The following HRK variants were observed in gnomAD, a reference collection of about 807,000 sequenced individuals.
HRK encodes harakiri, BCL2 interacting protein, also known as activator of apoptosis harakiri.
A neutral mutation model predicts 5.9 loss-of-function variants in HRK; 6 were observed. The observed-to-expected ratio is 1.02, with a 90% CI of 0.56 to 2.01. The LOEUF (loss-of-function observed/expected upper bound fraction) is 2.01, where lower values mean the gene tolerates loss of function less well. HRK is among the 30% of genes most tolerant of loss of function. The probability of loss-of-function intolerance (pLI) is 0.00; values close to 1 mark genes in which losing one functional copy is unlikely to be tolerated. For missense variants in HRK, 133 were observed against 128.3 expected (o/e 1.04, Z -0.18); for synonymous variants, 85 against 65.1 (o/e 1.31, Z -1.47).
intron 1 of HRK, among the ~76,000 whole-genome samples, chr12:116,865,807 G>A (rs762976585): frequency 3.3e-5 from 5 of 152,068 alleles, no homozygotes; most frequent in Admixed American, 6.6e-5. Flanking sequence ...AACGCCCAGC[G>A]TATACTAGGC....
intron 1 of HRK, among the ~76,000 whole-genome samples, chr12:116,877,138 C>T (rs1022673424): frequency 2.0e-5 from 3 of 152,086 alleles, no homozygotes; most frequent in Non-Finnish European, 4.4e-5. Flanking sequence ...GCAACCTCTG[C>T]CTCTGGGACT....
intron 1 of HRK, among the ~76,000 whole-genome samples, chr12:116,875,790 C>T (rs569397443): frequency 1.3e-5 from 2 of 152,176 alleles, no homozygotes; most frequent in Admixed American, 1.3e-4. Context: ...GTGATCCACC[C>T]GCCTCAGCCT....
chr12:116,879,813 C>T lies in HRK; in HGVS notation c.*56+1163G>A, dbSNP rs958008093. On this transcript the variant is annotated intron_variant, in intron 1 of 1. Transcript: ENST00000257572. This position sits in a 1 kb window ranked among gnomAD's most constrained non-coding sequence, Gnocchi z 5.6. Reference sequence around the variant, plus strand: ...GCCTCGCCTTCAGGCGCCGCTCCAACTTCCCAGGGTGTCTGCGGCGCGCGG... The same window carrying T: ...GCCTCGCCTTCAGGCGCCGCTCCAATTTCCCAGGGTGTCTGCGGCGCGCGG... 6.6e-6 allele frequency among the ~76,000 whole-genome samples: 1 copy of T among 152,210 alleles called. No individual in the cohort carries two copies. Among genetic ancestry groups the T allele is most frequent in the African/African-American group, 2.4e-5 (1 of 41,466 alleles).
intron 1 of HRK, among the ~76,000 whole-genome samples, chr12:116,866,720 C>T (rs971584552): frequency 3.3e-5 from 5 of 152,140 alleles, no homozygotes; most frequent in Non-Finnish European, 7.3e-5. Context: ...GACCTGAGCT[C>T]CTACCCACTA....
At chr12:116,867,141 A>C (rs1007125622) in intron 1 of HRK, among the ~76,000 whole-genome samples, 8 of 150,018 alleles carry the variant, frequency 5.3e-5, no homozygotes, top group African/African-American at 9.8e-5. Flanking sequence ...ACAAAAAAAA[A>C]CTTTTTTTTT....
rs1879040036 is a variant in HRK, at chr12:116,879,047, G to C, written c.*56+1929C>G. The C allele has an allele frequency of 6.6e-6, 1 of 151,286 alleles. No homozygotes were observed. The highest frequency in any genetic ancestry group is 2.4e-5 in the African/African-American group (1 of 41,202). The allele number at this position is 151,286 out of a possible 1,614,324, so 9.4% of individuals were successfully genotyped here. Reference sequence around the variant, plus strand: ...CCCGCAGCCTCCCCTTCCAGGCCCCGGGAGCATTCCCACCCCGACACTCAC... The same window carrying C: ...CCCGCAGCCTCCCCTTCCAGGCCCCCGGAGCATTCCCACCCCGACACTCAC... On this transcript the variant is annotated intron_variant, in intron 1 of 1. Transcript: ENST00000257572. This position sits in a 1 kb window ranked among gnomAD's most constrained non-coding sequence, Gnocchi z 5.6.
chr12:116,881,057 C>T lies in HRK; in HGVS notation c.251G>A (p.Trp84Ter). 7.4e-7 allele frequency: 1 copy of T among 1,358,412 alleles called. No individual in the cohort carries two copies. Among genetic ancestry groups the T allele is most frequent in the South Asian group, 1.8e-5 (1 of 55,484 alleles). The allele number at this position is 1,358,412 out of a possible 1,614,324, so 84.1% of individuals were successfully genotyped here. ...CTACAAGTTCCGCCTGCCGAGCAGC[C>T]AGGCCGCCAGCGCCGCCACCTGCGC... ...AAAQVAALAAWLLGRRNL is the reference protein window; with the variant it reads ...AAAQVAALAA Residue 84 changes from tryptophan (W) to a stop codon, truncating the protein, a stop_gained, in exon 1 of 2, where the codon TGG (tryptophan) becomes TAG (stop). Transcript: ENST00000257572. LOFTEE classifies it high-confidence loss of function.
chr12:116,870,684 T>C (rs983148683), intron 1 of HRK, among the ~76,000 whole-genome samples: 6 of 151,996 alleles, frequency 3.9e-5, no homozygotes, highest in African/African-American at 1.5e-4. Flanking sequence ...ACACCAGTAG[T>C]CTCAGCTACC....
At chr12:116,870,173 C>G (rs1878697226) in intron 1 of HRK, among the ~76,000 whole-genome samples, 1 of 152,170 alleles carries the variant, frequency 6.6e-6, no homozygotes, top group African/African-American at 2.4e-5. Flanking sequence ...GAAGACCTCC[C>G]TCTCCACCCA....
chr12:116,875,450 TACACAG>T (rs1878893664), intron 1 of HRK, among the ~76,000 whole-genome samples: 2 of 152,332 alleles, frequency 1.3e-5, no homozygotes, highest in South Asian at 4.1e-4. Flanking sequence ...CAGTGCCCTA[TACACAG>T]AAGGTACTCA....
intron 1 of HRK, among the ~76,000 whole-genome samples, chr12:116,877,544 C>T (rs9669553): frequency 0.28 from 42,346 of 152,036 alleles, 6,342 homozygotes; most frequent in African/African-American, 0.4. Flanking sequence ...ACTGACTTCC[C>T]GGGAGGGCAG....
chr12:116,865,031 G>C (rs552747252), intron 1 of HRK, among the ~76,000 whole-genome samples: 1 of 152,108 alleles, frequency 6.6e-6, no homozygotes, highest in African/African-American at 2.4e-5. Context: ...CACCGTGTGA[G>C]GGGGGAGGCG....
chr12:116,870,570 T>C (rs1011166956), intron 1 of HRK, among the ~76,000 whole-genome samples: 1 of 152,098 alleles, frequency 6.6e-6, no homozygotes, highest in Admixed American at 6.6e-5. Context: ...CTCAGCACTT[T>C]GGAAGGCTAA....
At chr12:116,866,523 A>G (rs895942247) in intron 1 of HRK, among the ~76,000 whole-genome samples, 2 of 152,122 alleles carry the variant, frequency 1.3e-5, no homozygotes, top group Admixed American at 6.6e-5. Context: ...TAGGAAGCTG[A>G]GTGCACAGGA....
chr12:116,867,439 C>T (rs1361904824), intron 1 of HRK, among the ~76,000 whole-genome samples: 2 of 152,062 alleles, frequency 1.3e-5, no homozygotes, highest in African/African-American at 4.8e-5. Flanking sequence ...CCACTGCGCC[C>T]GGCCACAAAA....
At chr12:116,868,972 T>TC (rs999505896) in intron 1 of HRK, among the ~76,000 whole-genome samples, 12 of 151,632 alleles carry the variant, frequency 7.9e-5, no homozygotes, top group African/African-American at 2.9e-4. Flanking sequence ...TTCTTCGTTT[T>TC]TTTTTTTTTT....
At chr12:116,864,869 A>AC (rs1407409214) in intron 1 of HRK, among the ~76,000 whole-genome samples, 4 of 151,898 alleles carry the variant, frequency 2.6e-5, no homozygotes, top group African/African-American at 9.7e-5. Flanking sequence ...AAGTCCATCA[A>AC]CCCCTGTGAG....
rs1878350348 is a variant in HRK at position 116,861,147 on chromosome 12, A to G, written c.*376T>C. 1 of 152,252 alleles carries G rather than the reference A, an allele frequency of 6.6e-6. No individual in the cohort carries two copies. The highest frequency in any genetic ancestry group is 1.5e-5 in the Non-Finnish European group (1 of 68,060). 9.4% of individuals were successfully genotyped at this position (152,252 alleles called of 1,614,324 possible). On this transcript the variant is annotated 3_prime_UTR_variant, in exon 2 of 2. Coordinates refer to ENST00000257572, the MANE Select transcript of HRK (RefSeq NM_003806.4). ...TCTCTTCTGGCGCCCCAGACATTAC[A>G]GAATATCAAAGTTCACATCGCAAGG...
At chr12:116,867,590 CAGAA>C (rs1878591083) in intron 1 of HRK, 1 of 152,120 alleles carries the variant, frequency 6.6e-6, no homozygotes, top group Non-Finnish European at 1.5e-5. Flanking sequence ...CTGGGTGACA[CAGAA>C]AGACCCTGTT....
Sources: allele counts gnomAD v4.1 joint callset (sites outside exome capture counted in the v4.1 genomes callset), GRCh38; gene constraint gnomAD v4.1.1; non-coding constraint Gnocchi (gnomAD v3.1); transcripts MANE v1.5; gene names NCBI Gene and HGNC (gene_info 2026-07-23, HGNC 2026-07-21).